Variants in TIMM23B observed in about 807,000 individuals in gnomAD.
TIMM23B encodes translocase of inner mitochondrial membrane 23 homolog B, also known as mitochondrial import inner membrane translocase subunit Tim23B.
In TIMM23B, 27 loss-of-function variants were observed where a neutral mutation model predicts 27.3. The observed-to-expected ratio is 0.99, with a 90% CI of 0.73 to 1.36. The LOEUF (loss-of-function observed/expected upper bound fraction) is 1.36, where lower values mean the gene tolerates loss of function less well. Ranked by LOEUF, TIMM23B falls within the 40% of genes most tolerant of loss-of-function variation. The pLI, the probability that TIMM23B is intolerant of heterozygous loss-of-function variation, is 0.00. For synonymous variants in TIMM23B, 73 were observed against 92.4 expected, an observed-to-expected ratio of 0.79 and a Z score of 1.21; for missense variants, 205 against 244.2, an observed-to-expected ratio of 0.84 and a Z score of 1.07.
chr10:49,961,449 T>G (rs1839902731), intron 6 of TIMM23B, among the ~76,000 whole-genome samples: 1 of 151,920 alleles, frequency 6.6e-6, no homozygotes, highest in Non-Finnish European at 1.5e-5. Context: ...GTTTGCTGTT[T>G]GGTGGTTTCT....
At chr10:49,958,524 G>T in intron 6 of TIMM23B, 44 bp downstream of exon 6, 1 of 1,589,896 alleles carries the variant, frequency 6.3e-7, no homozygotes, top group Non-Finnish European at 8.6e-7. Context: ...TATACTTGAA[G>T]TGCGCTTTTT....
chr10:49,960,966 T>C (rs1357540933), intron 6 of TIMM23B, among the ~76,000 whole-genome samples: 1 of 149,870 alleles, frequency 6.7e-6, no homozygotes, highest in African/African-American at 2.4e-5. Context: ...TAGAATTATC[T>C]CTGAGGAAGA....
At chr10:49,970,362 G>A (rs1407374939) in intron 6 of TIMM23B, 3 of 171,014 alleles carry the variant, frequency 1.8e-5, no homozygotes, top group Non-Finnish European at 2.4e-5. Flanking sequence ...GTCTCGGCCC[G>A]GCCACCCATC....
chr10:49,957,377 G>A lies in TIMM23B; in HGVS notation c.404-993G>A, dbSNP rs1204371068. On this transcript the variant is annotated intron_variant, in intron 5 of 6. Transcript: ENST00000651259. ...GCCTCCCACCTCAGCCTTTCAAGGA[G>A]CTGGGACTATAGGCAACATGCACCA... 7.9e-5 allele frequency among the ~76,000 whole-genome samples: 12 copies of A among 151,616 alleles called. No individual in the cohort carries two copies. The East Asian group carries it at 2.3e-3, about 29-fold the overall frequency.
chr10:49,965,090 G>A (rs1840081121), intron 6 of TIMM23B, among the ~76,000 whole-genome samples: 2 of 152,050 alleles, frequency 1.3e-5, no homozygotes, highest in South Asian at 2.1e-4. Flanking sequence ...CATGATGGCA[G>A]GTGCCTGTAA....
intron 6 of TIMM23B, among the ~76,000 whole-genome samples, chr10:49,969,365 A>T (rs530877779): frequency 4.1e-5 from 6 of 146,428 alleles, no homozygotes; most frequent in Non-Finnish European, 7.5e-5. Flanking sequence ...TGAGCCCAGG[A>T]GGTCAAAGCT....
chr10:49,945,200 C>G (rs1168618646), intron 2 of TIMM23B, 110 bp downstream of exon 2: 30 of 1,030,016 alleles, frequency 2.9e-5, no homozygotes, highest in Non-Finnish European at 4.0e-5. Flanking sequence ...CAGTAAGTCT[C>G]TGGTCTCCAT....
intron 6 of TIMM23B, among the ~76,000 whole-genome samples, chr10:49,965,630 G>A (rs1840108737): frequency 6.6e-6 from 1 of 151,422 alleles, no homozygotes; most frequent in Non-Finnish European, 1.5e-5. Context: ...CTCCAGACTG[G>A]GCGATAGAGC....
intron 6 of TIMM23B, among the ~76,000 whole-genome samples, chr10:49,963,491 G>A (rs1216095334): frequency 5.9e-5 from 9 of 151,478 alleles, no homozygotes; most frequent in African/African-American, 2.2e-4. Flanking sequence ...GATGAAATGG[G>A]ATGAAATGAA....
At chr10:49,968,621 T>G (rs1337450878) in intron 6 of TIMM23B, among the ~76,000 whole-genome samples, 1 of 152,100 alleles carries the variant, frequency 6.6e-6, no homozygotes, top group Non-Finnish European at 1.5e-5. Context: ...GATCACAAGG[T>G]CAGGAGATTG....
At chr10:49,964,504 G>T (rs1215096075) in intron 6 of TIMM23B, among the ~76,000 whole-genome samples, 1 of 150,638 alleles carries the variant, frequency 6.6e-6, no homozygotes, top group Non-Finnish European at 1.5e-5. Flanking sequence ...AATTCTGGGT[G>T]CAGTGGCGCA....
At chr10:49,960,428 A>G (rs1215266754) in intron 6 of TIMM23B, among the ~76,000 whole-genome samples, 2 of 151,304 alleles carry the variant, frequency 1.3e-5, no homozygotes, top group Non-Finnish European at 3.0e-5. Context: ...TTTCAGTCTT[A>G]CATATTGTCT....
At chr10:49,951,534 G>GA (rs1169430251) in intron 2 of TIMM23B, among the ~76,000 whole-genome samples, 3 of 151,952 alleles carry the variant, frequency 2.0e-5, no homozygotes, top group Non-Finnish European at 4.4e-5. Flanking sequence ...TAGTATTTTG[G>GA]ATGACCTTCC....
chr10:49,968,504 G>A (rs572350402), intron 6 of TIMM23B, among the ~76,000 whole-genome samples: 2 of 145,412 alleles, frequency 1.4e-5, no homozygotes, highest in East Asian at 3.9e-4. Flanking sequence ...TCAGAGGCAA[G>A]AATATAAAAC....
intron 6 of TIMM23B, among the ~76,000 whole-genome samples, chr10:49,969,436 C>CAAAA (rs533041097): frequency 9.4e-5 from 7 of 74,726 alleles, no homozygotes; most frequent in East Asian, 5.5e-4. Flanking sequence ...GACCCTGTGT[C>CAAAA]AAAAAAAAAA....
chr10:49,952,394 G>GC (rs1398785367), intron 3 of TIMM23B, 55 bp from the exon 4 acceptor site: 2 of 1,409,906 alleles, frequency 1.4e-6, no homozygotes, highest in Non-Finnish European at 1.9e-6. Flanking sequence ...CAGTTTTGAG[G>GC]TTTTTTTTTT....
At chr10:49,965,126 A>G (rs1554855208) in intron 6 of TIMM23B, among the ~76,000 whole-genome samples, 1 of 152,130 alleles carries the variant, frequency 6.6e-6, no homozygotes, top group Admixed American at 6.5e-5. Flanking sequence ...AGGCTGAGAG[A>G]GGAGAATCGC....
At chr10:49,965,840 G>C (rs552093989) in intron 6 of TIMM23B, among the ~76,000 whole-genome samples, 2 of 143,782 alleles carry the variant, frequency 1.4e-5, no homozygotes, top group African/African-American at 5.1e-5. Flanking sequence ...TGAAATAAAT[G>C]AAACTAAATG....
intron 2 of TIMM23B, 141 bp downstream of exon 2, chr10:49,945,231 A>T (rs1457710530): frequency 1.9e-5 from 13 of 691,876 alleles, no homozygotes; most frequent in Non-Finnish European, 3.0e-5. Flanking sequence ...TTCCTCACAA[A>T]CACCAGGAGC....
Sources: allele counts gnomAD v4.1 joint callset (sites outside exome capture counted in the v4.1 genomes callset), GRCh38; gene constraint gnomAD v4.1.1; transcripts MANE v1.5; gene names NCBI Gene and HGNC (gene_info 2026-07-23, HGNC 2026-07-21).